Variants in ZDHHC14 observed in about 807,000 individuals in gnomAD.
ZDHHC14 encodes the protein zDHHC palmitoyltransferase 14, also known as palmitoyltransferase ZDHHC14.
A neutral mutation model predicts 47.7 loss-of-function variants in ZDHHC14; 16 were observed. The observed-to-expected ratio is 0.34, with a 90% CI of 0.23 to 0.51. The LOEUF is 0.51. ZDHHC14 is among the 20% of genes least tolerant of loss of function. The pLI is 0.97. For missense variants in ZDHHC14, 515 were observed against 662.5 expected (o/e 0.78, Z 2.44); for synonymous variants, 293 against 278.9 (o/e 1.05, Z -0.50).
At chr6:157,408,811 G>C (rs1422057073) in intron 1 of ZDHHC14, among the ~76,000 whole-genome samples, 5 of 152,108 alleles carry the variant, frequency 3.3e-5, no homozygotes, top group African/African-American at 1.2e-4. Context: ...TAGTCCTTTC[G>C]ATATATACCC....
At chr6:157,641,513 C>T (rs1482961999) in intron 5 of ZDHHC14, among the ~76,000 whole-genome samples, 1 of 152,064 alleles carries the variant, frequency 6.6e-6, no homozygotes, top group Non-Finnish European at 1.5e-5. Context: ...ACAATGTATG[C>T]CAGTACATGT....
chr6:157,390,919 C>T (rs1358802891), intron 1 of ZDHHC14, among the ~76,000 whole-genome samples: 1 of 151,872 alleles, frequency 6.6e-6, no homozygotes, highest in Non-Finnish European at 1.5e-5. Context: ...TTCCTTCATG[C>T]CTTGTAATTT....
At chr6:157,493,845 G>T (rs1313086296) in intron 1 of ZDHHC14, among the ~76,000 whole-genome samples, 1 of 152,232 alleles carries the variant, frequency 6.6e-6, no homozygotes, top group African/African-American at 2.4e-5. Context: ...TTGGGGGACT[G>T]GTTCTTGCCC....
chr6:157,427,604 G>A lies in ZDHHC14; in HGVS notation c.245+45338G>A, dbSNP rs921391511. 1.3e-5 allele frequency among the ~76,000 whole-genome samples: 2 copies of A among 152,136 alleles called. No individual in the cohort carries two copies. The highest frequency in any genetic ancestry group is 6.5e-5 in the Admixed American group (1 of 15,278). Reference sequence around the variant, plus strand: ...CTGATGTGATAAATCACGGGGTCCAGGCTGGCAGAGATATGAGAGGAGAAC... The same window carrying A: ...CTGATGTGATAAATCACGGGGTCCAAGCTGGCAGAGATATGAGAGGAGAAC... On this transcript the variant is annotated intron_variant, in intron 1 of 8. Transcript: ENST00000359775. This position sits in a 1 kb window ranked among gnomAD's most constrained non-coding sequence, Gnocchi z 4.4.
chr6:157,458,848 G>GTTTTTTTTTTTTTTTTTTTTTT (rs1778990291), intron 1 of ZDHHC14, among the ~76,000 whole-genome samples: 1 of 68,756 alleles, frequency 1.5e-5, no homozygotes, highest in Non-Finnish European at 2.8e-5. Flanking sequence ...AATGTGGGTG[G>GTTTTTTTTTTTTTTTTTTTTTT]ATTTTTTTTT....
At chr6:157,614,455 A>C (rs1376077983) in intron 3 of ZDHHC14, among the ~76,000 whole-genome samples, 1 of 152,126 alleles carries the variant, frequency 6.6e-6, no homozygotes, top group Non-Finnish European at 1.5e-5. Flanking sequence ...ACATAGGTCT[A>C]ACTGCTGTAG....
At chr6:157,583,520 T>G (rs1197078266) in intron 2 of ZDHHC14, among the ~76,000 whole-genome samples, 1 of 152,146 alleles carries the variant, frequency 6.6e-6, no homozygotes, top group Non-Finnish European at 1.5e-5. Context: ...TTTGTTTTGT[T>G]GTTATTGTTC....
chr6:157,648,439 A>G (rs1777664348), intron 7 of ZDHHC14, among the ~76,000 whole-genome samples: 1 of 152,202 alleles, frequency 6.6e-6, no homozygotes, highest in South Asian at 2.1e-4. Context: ...AAAGAATTCA[A>G]GAAAAAAAAA....
rs186701556 is a variant in ZDHHC14, at chr6:157,497,210, C to T, written c.246-45375C>T. ...ACTATGGTGACTGTAATGAGGGAAG[C>T]GGGAAGGAATTTCCATTTTAAGAAC... On this transcript the variant is annotated intron_variant, in intron 1 of 8. Coordinates refer to ENST00000359775, the MANE Select transcript of ZDHHC14 (RefSeq NM_024630.3). 1.8e-4 allele frequency among the ~76,000 whole-genome samples: 28 copies of T among 152,258 alleles called. No individual in the cohort carries two copies. In the East Asian group the frequency reaches 4.2e-3, roughly 23 times the overall value.
chr6:157,458,468 A>G (rs1427346076), intron 1 of ZDHHC14, among the ~76,000 whole-genome samples: 1 of 152,358 alleles, frequency 6.6e-6, no homozygotes, highest in Admixed American at 6.5e-5. Flanking sequence ...GAAAAAATTA[A>G]TAATAAATAA....
At chr6:157,662,457 C>T (rs1778386298) in intron 8 of ZDHHC14, among the ~76,000 whole-genome samples, 1 of 152,282 alleles carries the variant, frequency 6.6e-6, no homozygotes. Context: ...GCTGGGATTA[C>T]AGGCGTGAGC....
intron 2 of ZDHHC14, among the ~76,000 whole-genome samples, chr6:157,567,566 A>G (rs1221590760): frequency 1.3e-5 from 2 of 152,160 alleles, no homozygotes; most frequent in Non-Finnish European, 2.9e-5. Context: ...CTGTAATCCC[A>G]ACACTTTGGG....
At chr6:157,514,668 C>T (rs562519238) in intron 1 of ZDHHC14, among the ~76,000 whole-genome samples, 29 of 152,324 alleles carry the variant, frequency 1.9e-4, no homozygotes, top group Admixed American at 9.8e-4. Flanking sequence ...CCCCTTATTC[C>T]GGTTGTTGTT....
intron 1 of ZDHHC14, among the ~76,000 whole-genome samples, chr6:157,481,833 T>TCTAC (rs1272176291): frequency 1.3e-5 from 2 of 152,154 alleles, no homozygotes; most frequent in African/African-American, 4.8e-5. Context: ...TATCTATCTG[T>TCTAC]CTACCTACCT....
chr6:157,605,132 C>T (rs1368264615), intron 3 of ZDHHC14, among the ~76,000 whole-genome samples: 4 of 152,168 alleles, frequency 2.6e-5, no homozygotes, highest in Non-Finnish European at 5.9e-5. Flanking sequence ...AATAATAACC[C>T]ATGTGCCTTA....
At chr6:157,508,856 T>C (rs1006143520) in intron 1 of ZDHHC14, among the ~76,000 whole-genome samples, 9 of 152,362 alleles carry the variant, frequency 5.9e-5, no homozygotes, top group Admixed American at 3.3e-4. Context: ...AACTGTTCTT[T>C]TTTAGTGTCC....
At position 157,427,353 on chromosome 6, in the gene ZDHHC14, G is replaced by A. The variant is rs1437916537; in HGVS notation, c.245+45087G>A. On this transcript the variant is annotated intron_variant, in intron 1 of 8. Coordinates refer to ENST00000359775, the MANE Select transcript of ZDHHC14 (RefSeq NM_024630.3). The surrounding 1 kb of genome is among the most constrained non-coding windows in gnomAD (Gnocchi z 4.4). ...TTGGAAATGTCACTCAGTGAAATAG[G>A]AAGGGAAAGTGTCTACAGAGATGCG... Among the ~76,000 whole-genome samples the A allele has an allele frequency of 6.6e-6, 1 of 152,140 alleles. No homozygotes were observed. Among genetic ancestry groups the A allele is most frequent in the African/African-American group, 2.4e-5 (1 of 41,422 alleles).
At chr6:157,647,484 T>C in intron 7 of ZDHHC14, 116 bp downstream of exon 7, 1 of 662,968 alleles carries the variant, frequency 1.5e-6, no homozygotes, top group Non-Finnish European at 2.6e-6. Flanking sequence ...GTGACCACTT[T>C]GTGCCGCGTG....
intron 1 of ZDHHC14, among the ~76,000 whole-genome samples, chr6:157,413,419 C>T (rs964222085): frequency 6.6e-6 from 1 of 152,200 alleles, no homozygotes; most frequent in Non-Finnish European, 1.5e-5. Flanking sequence ...TTCTCTGATT[C>T]TATTTCACCA....
Sources: allele counts gnomAD v4.1 joint callset (sites outside exome capture counted in the v4.1 genomes callset), GRCh38; gene constraint gnomAD v4.1.1; non-coding constraint Gnocchi (gnomAD v3.1); transcripts MANE v1.5; gene names NCBI Gene and HGNC (gene_info 2026-07-23, HGNC 2026-07-21).